Variants in GPRC5A observed in about 807,000 individuals in gnomAD.
GPRC5A encodes retinoic acid-induced protein 3.
GPRC5A carries 19 observed loss-of-function variants against 22.5 expected under a neutral mutation model. The ratio of observed to expected loss-of-function variants is 0.85; its 90% confidence interval spans 0.59 to 1.24. The LOEUF is 1.24. Among genes scored for constraint, GPRC5A ranks in the 50% most tolerant of loss-of-function variants. The probability of loss-of-function intolerance (pLI) is 0.00; values close to 1 mark genes in which losing one functional copy is unlikely to be tolerated. For synonymous variants in GPRC5A, 192 were observed against 184.5 expected (o/e 1.04, Z -0.33); for missense variants, 471 against 451.1 (o/e 1.04, Z -0.40).
intron 3 of GPRC5A, 93 bp downstream of exon 3, chr12:12,912,235 C>T: frequency 1.0e-6 from 1 of 986,612 alleles, no homozygotes; most frequent in Non-Finnish European, 1.6e-6. Context: ...TTCTCATGGC[C>T]CCTAGATGGC....
intron 1 of GPRC5A, among the ~76,000 whole-genome samples, chr12:12,896,209 G>A (rs1179643071): frequency 1.3e-5 from 2 of 152,124 alleles, no homozygotes; most frequent in African/African-American, 4.8e-5. Context: ...CAGGAAGATG[G>A]TAATACGCCC....
rs140832369 is a variant in GPRC5A, at chr12:12,908,348, G to A, written c.99G>A (p.Thr33=). Residue 33 remains threonine, a synonymous_variant, in exon 2 of 4, where the codon ACG becomes ACA. Coordinates refer to ENST00000014914, the MANE Select transcript of GPRC5A (RefSeq NM_003979.4). Reference sequence around the variant, plus strand: ...AAGCTTGGGGCATCGTCCTAGAAACGGTGGCCACAGCCGGGGTTGTGACCT... The same window carrying A: ...AAGCTTGGGGCATCGTCCTAGAAACAGTGGCCACAGCCGGGGTTGTGACCT... ...KAEAWGIVLE[T]VATAGVVTSV... 107 of 1,614,038 alleles carry A rather than the reference G, an allele frequency of 6.6e-5. No homozygotes were observed. The African/African-American group carries it at 1.1e-3, about 17-fold the overall frequency.
At position 12,916,378 on chromosome 12, in the gene GPRC5A, C is replaced by G. The variant is rs1179532617; in HGVS notation, c.*3839C>G. 4 of 152,256 alleles carry G rather than the reference C, an allele frequency of 2.6e-5. No homozygotes were observed. The highest frequency in any genetic ancestry group is 5.9e-5 in the Non-Finnish European group (4 of 68,072). 9.4% of individuals were successfully genotyped at this position (152,256 alleles called of 1,614,324 possible). On this transcript the variant is annotated 3_prime_UTR_variant, in exon 4 of 4. Coordinates refer to ENST00000014914, the MANE Select transcript of GPRC5A (RefSeq NM_003979.4). ...CCTCTCATTTTAGGCTGAGGCCGTC[C>G]AAAGCGGCCATGCCCCATGTTTCCA... is the stretch of plus-strand genomic sequence containing the variant.
chr12:12,903,269 G>GT lies in GPRC5A; in HGVS notation c.-7-4965dup, dbSNP rs200896236. Among the ~76,000 whole-genome samples the GT allele has an allele frequency of 1.9e-3, 281 of 151,414 alleles. 1 individual carries two copies. Among genetic ancestry groups the GT allele is most frequent in the African/African-American group, 5.8e-3 (238 of 41,262 alleles). On this transcript the variant is annotated intron_variant, in intron 1 of 3. Coordinates refer to ENST00000014914, the MANE Select transcript of GPRC5A (RefSeq NM_003979.4). The stretch of plus-strand genomic sequence containing the variant: ...ATAAAACTTTCTATAATGAAAACAA[G>GT]TTTTTTTTTAATTTTTAATTTTTTA...
At chr12:12,909,610 A>G (rs1206846526) in intron 2 of GPRC5A, 2 of 159,254 alleles carry the variant, frequency 1.3e-5, no homozygotes, top group African/African-American at 4.8e-5. Flanking sequence ...GCCTTTGTAG[A>G]TTTCAGTGCA....
intron 1 of GPRC5A, among the ~76,000 whole-genome samples, chr12:12,893,974 C>G (rs1347654567): frequency 2.0e-5 from 3 of 152,180 alleles, no homozygotes; most frequent in African/African-American, 7.2e-5. Context: ...GTTGGCCAGA[C>G]TGGTCTCAAA....
At chr12:12,896,760 C>T (rs1213044856) in intron 1 of GPRC5A, among the ~76,000 whole-genome samples, 2 of 152,146 alleles carry the variant, frequency 1.3e-5, no homozygotes, top group African/African-American at 2.4e-5. Context: ...CACGGTGCCT[C>T]ACGCCACCTT....
At position 12,908,785 on chromosome 12, in the gene GPRC5A, T is replaced by C. The variant is rs887487928; in HGVS notation, c.536T>C (p.Leu179Pro). The C allele has an allele frequency of 1.9e-6, 3 of 1,614,112 alleles. No homozygotes were observed. The African/African-American group carries it at 4.0e-5, about 22-fold the overall frequency. ...CCTCGTCGCAATGAAGACTTTGTCC[T>C]CCTGCTCACCTACGTCCTCTTCTTG... ...SAPRRNEDFV[L>P]LLTYVLFLMA... The change falls in exon 2 of 4, where the codon CTC becomes CCC. Residue 179 changes from leucine (L) to proline (P), a missense_variant. Leu to Pro is a moderately conservative substitution (Grantham distance 98, BLOSUM62 -3). Coordinates refer to ENST00000014914, the MANE Select transcript of GPRC5A (RefSeq NM_003979.4).
chr12:12,903,261 G>A (rs1448708140), intron 1 of GPRC5A, among the ~76,000 whole-genome samples: 2 of 151,998 alleles, frequency 1.3e-5, no homozygotes, highest in Non-Finnish European at 2.9e-5. Context: ...TTTCTATAAT[G>A]AAAACAAGTT....
At position 12,913,712 on chromosome 12, in the gene GPRC5A, T is replaced by C. The variant is rs999109994; in HGVS notation, c.*1173T>C. ...ATAGAACACGGGCTGCCCTGAGAGC[T>C]TCATGTTGGAGCTGAAGTTCAAGGT... On this transcript the variant is annotated 3_prime_UTR_variant, in exon 4 of 4. Coordinates refer to ENST00000014914, the MANE Select transcript of GPRC5A (RefSeq NM_003979.4). The C allele has an allele frequency of 6.6e-6, 1 of 152,234 alleles. No homozygotes were observed. Among genetic ancestry groups the C allele is most frequent in the Non-Finnish European group, 1.5e-5 (1 of 68,058 alleles). 9.4% of individuals were successfully genotyped at this position (152,234 alleles called of 1,614,324 possible). A position where few individuals can be genotyped will look rare whatever the true frequency, so the allele number is the denominator to read the frequency against.
intron 1 of GPRC5A, among the ~76,000 whole-genome samples, chr12:12,893,910 C>T (rs1413147813): frequency 6.6e-6 from 1 of 152,058 alleles, no homozygotes; most frequent in Non-Finnish European, 1.5e-5. Context: ...TACAGGCGCC[C>T]GCTACCACGC....
intron 1 of GPRC5A, among the ~76,000 whole-genome samples, chr12:12,900,352 G>T (rs748622605): frequency 1.3e-4 from 20 of 152,214 alleles, no homozygotes; most frequent in Non-Finnish European, 2.8e-4. Flanking sequence ...CGGTGGAGCT[G>T]AACATGAGTT....
At chr12:12,900,532 T>A (rs2096108637) in intron 1 of GPRC5A, among the ~76,000 whole-genome samples, 1 of 152,134 alleles carries the variant, frequency 6.6e-6, no homozygotes, top group Non-Finnish European at 1.5e-5. Flanking sequence ...CGCCCTCCTC[T>A]TCCTTTCCTC....
rs1400429449 is a variant in GPRC5A, at chr12:12,916,344, G to GTC, written c.*3811_*3812dup. On this transcript the variant is annotated 3_prime_UTR_variant, in exon 4 of 4. Coordinates refer to ENST00000014914, the MANE Select transcript of GPRC5A (RefSeq NM_003979.4). Reference sequence around the variant, plus strand: ...CATTGTGAGATGCGAAATAGAGCGTGTCTCTCTGCCTCTCATTTTAGGCTG... The same window carrying GTC: ...CATTGTGAGATGCGAAATAGAGCGTGTCTCTCTCTGCCTCTCATTTTAGGCTG... The GTC allele has an allele frequency of 6.6e-6, 1 of 152,310 alleles. No homozygotes were observed. The highest frequency in any genetic ancestry group is 6.5e-5 in the Admixed American group (1 of 15,288). The allele number at this position is 152,310 out of a possible 1,614,324, so 9.4% of individuals were successfully genotyped here. A position where few individuals can be genotyped will look rare whatever the true frequency, so the allele number is the denominator to read the frequency against.
chr12:12,909,449 T>G, intron 2 of GPRC5A: 1 of 355,210 alleles, frequency 2.8e-6, no homozygotes, highest in Non-Finnish European at 5.1e-6. Context: ...TGTAATTTCC[T>G]GTGGGGCAGA....
At chr12:12,904,667 C>T (rs937089675) in intron 1 of GPRC5A, among the ~76,000 whole-genome samples, 2 of 152,002 alleles carry the variant, frequency 1.3e-5, no homozygotes, top group Non-Finnish European at 2.9e-5. Context: ...TATTAAAATT[C>T]GGGAAGATCG....
At chr12:12,911,481 ACTTTTT>A (rs1864003403) in intron 2 of GPRC5A, among the ~76,000 whole-genome samples, 1 of 149,554 alleles carries the variant, frequency 6.7e-6, no homozygotes, top group African/African-American at 2.5e-5. Context: ...GGTTTTTATG[ACTTTTT>A]CTTTTTTTTT....
intron 1 of GPRC5A, among the ~76,000 whole-genome samples, chr12:12,894,239 A>G (rs1863796459): frequency 6.6e-6 from 1 of 152,220 alleles, no homozygotes; most frequent in Admixed American, 6.5e-5. Context: ...ATGGAGATCT[A>G]ATAAGATATG....
At chr12:12,909,277 C>T in intron 2 of GPRC5A, 106 bp downstream of exon 2, 1 of 816,086 alleles carries the variant, frequency 1.2e-6, no homozygotes, top group Non-Finnish European at 1.9e-6. Flanking sequence ...AGATTATACC[C>T]TTGATAGAAT....
Sources: gnomAD v4.1 joint callset for allele counts (sites outside exome capture counted in the v4.1 genomes callset) on GRCh38, gnomAD v4.1.1 for gene constraint, MANE v1.5 for transcripts, NCBI Gene and HGNC (gene_info 2026-07-23, HGNC 2026-07-21) for gene names.